IGF2BP3: variants seen among roughly 807,000 people sequenced by gnomAD.
The protein encoded by IGF2BP3 is insulin like growth factor 2 mRNA binding protein 3, also known as insulin-like growth factor 2 mRNA-binding protein 3.
In IGF2BP3, 9 loss-of-function variants were observed where a neutral mutation model predicts 73.8. The ratio of observed to expected loss-of-function variants is 0.12; its 90% CI spans 0.07 to 0.21. The LOEUF is 0.21. Ranked by LOEUF, IGF2BP3 falls within the 10% of genes least tolerant of loss-of-function variation. The pLI is 1.00. For synonymous variants in IGF2BP3, 258 were observed against 256.7 expected (o/e 1.01, Z -0.05); for missense variants, 542 against 714.0 (o/e 0.76, Z 2.75).
chr7:23,351,340 G>A lies in IGF2BP3; in HGVS notation c.648C>T (p.Ala216=), dbSNP rs769684421. 1.9e-6 allele frequency: 3 copies of A among 1,613,808 alleles called. No homozygotes were observed. The South Asian group carries it at 3.3e-5, about 18-fold the overall frequency. Residue 216 remains alanine, a synonymous_variant, in exon 6 of 15, where the codon GCC becomes GCT. Coordinates refer to ENST00000258729, the MANE Select transcript of IGF2BP3 (RefSeq NM_006547.3). ...TCTGTTTGGTGATGTTCCGAATGGT[G>A]GCACCTTCTTTTCCTATGATGGCTC... ...FVGAIIGKEG[A]TIRNITKQTQ...
chr7:23,435,292 C>CAAAAAAAA (rs35846648), intron 2 of IGF2BP3, among the ~76,000 whole-genome samples: 1 of 47,942 alleles, frequency 2.1e-5, no homozygotes, highest in Non-Finnish European at 3.6e-5. Context: ...GACTCTGTCT[C>CAAAAAAAA]AAAAAAAAAA....
intron 3 of IGF2BP3, among the ~76,000 whole-genome samples, chr7:23,403,445 T>C (rs1048685952): frequency 7.2e-5 from 11 of 152,226 alleles, no homozygotes; most frequent in African/African-American, 2.7e-4. Context: ...ATTATAGATA[T>C]ATATAAGTGG....
intron 3 of IGF2BP3, among the ~76,000 whole-genome samples, chr7:23,407,347 G>A (rs890768864): frequency 2.0e-5 from 3 of 151,506 alleles, no homozygotes; most frequent in African/African-American, 7.3e-5. Flanking sequence ...GGTGGTTCAT[G>A]CCTGTAATCC....
At chr7:23,349,218 T>C (rs1466737970) in intron 6 of IGF2BP3, among the ~76,000 whole-genome samples, 1 of 152,208 alleles carries the variant, frequency 6.6e-6, no homozygotes, top group Non-Finnish European at 1.5e-5. Flanking sequence ...CCTTTGGCCA[T>C]TCAAACACTT....
intron 2 of IGF2BP3, among the ~76,000 whole-genome samples, chr7:23,430,257 G>A (rs1787636250): frequency 6.6e-6 from 1 of 152,064 alleles, no homozygotes; most frequent in Non-Finnish European, 1.5e-5. Context: ...TTAATTTTTT[G>A]TATTTTTAGT....
intron 10 of IGF2BP3, among the ~76,000 whole-genome samples, chr7:23,321,119 G>A (rs1039367991): frequency 7.2e-5 from 11 of 152,200 alleles, no homozygotes; most frequent in South Asian, 2.1e-4. Context: ...CAGCGTGAGC[G>A]ATGCAGAAGA....
At chr7:23,329,386 A>G (rs956171722) in intron 10 of IGF2BP3, among the ~76,000 whole-genome samples, 19 of 152,194 alleles carry the variant, frequency 1.2e-4, no homozygotes, top group African/African-American at 4.3e-4. Context: ...GTGTGTGTGC[A>G]TAGTTTCCAA....
rs541582847 is a variant in IGF2BP3 at position 23,433,841 on chromosome 7, G to A, written c.237-15017C>T. Among the ~76,000 whole-genome samples the A allele has an allele frequency of 6.6e-5, 10 of 152,262 alleles. No individual in the cohort carries two copies. In the South Asian group the frequency reaches 1.2e-3, roughly 19 times the overall value. ...TATAAACCCAGCACTTTGGGAGGCC[G>A]AGGCGGGAGGATCATCTGAGATCAA... On this transcript the variant is annotated intron_variant, in intron 2 of 14. Transcript: ENST00000258729.
chr7:23,344,150 A>C (rs1784777823), intron 8 of IGF2BP3, among the ~76,000 whole-genome samples: 1 of 152,250 alleles, frequency 6.6e-6, no homozygotes, highest in South Asian at 2.1e-4. Flanking sequence ...CTTAAAGTTG[A>C]ACCATTTTCA....
intron 1 of IGF2BP3, 42 bp from the exon 2 acceptor site, chr7:23,468,584 G>A: frequency 6.3e-7 from 1 of 1,597,536 alleles, no homozygotes; most frequent in Non-Finnish European, 8.6e-7. Context: ...CGAGTTCAGC[G>A]GCTCTCCCTG....
At chr7:23,367,872 G>A (rs1229350733) in intron 3 of IGF2BP3, among the ~76,000 whole-genome samples, 4 of 152,036 alleles carry the variant, frequency 2.6e-5, no homozygotes, top group African/African-American at 4.8e-5. Context: ...ATGGTGGCAC[G>A]CACCTGTAGT....
At position 23,341,972 on chromosome 7, in the gene IGF2BP3, T is replaced by C. The variant is rs1360203509; in HGVS notation, c.1203+92A>G. 5.3e-6 allele frequency: 7 copies of C among 1,331,016 alleles called. No homozygotes were observed. In the East Asian group the frequency reaches 1.1e-4, roughly 21 times the overall value. The allele number at this position is 1,331,016 out of a possible 1,614,324, so 82.5% of individuals were successfully genotyped here. A position where few individuals can be genotyped will look rare whatever the true frequency, so the allele number is the denominator to read the frequency against. On this transcript the variant is annotated intron_variant, in intron 10 of 14. Coordinates refer to ENST00000258729, the MANE Select transcript of IGF2BP3 (RefSeq NM_006547.3). ...CTCCATTAGCAAGAACTGGAGAGCATATGTTGGCATCTAAACAGATGATCA... is the reference window on the plus strand; with the variant it reads ...CTCCATTAGCAAGAACTGGAGAGCACATGTTGGCATCTAAACAGATGATCA...
At chr7:23,376,391 C>T (rs1467863556) in intron 3 of IGF2BP3, among the ~76,000 whole-genome samples, 1 of 151,206 alleles carries the variant, frequency 6.6e-6, no homozygotes, top group Non-Finnish European at 1.5e-5. Context: ...AAAAATTAGC[C>T]GGGCATGGTG....
intron 3 of IGF2BP3, among the ~76,000 whole-genome samples, chr7:23,412,842 C>T (rs867777999): frequency 3.8e-4 from 14 of 37,012 alleles, no homozygotes; most frequent in Admixed American, 1.5e-3. Flanking sequence ...AGACTCTGGC[C>T]TTTTTTTTTT....
chr7:23,363,668 G>A (rs1365516825), intron 3 of IGF2BP3, among the ~76,000 whole-genome samples: 2 of 152,108 alleles, frequency 1.3e-5, no homozygotes, highest in African/African-American at 2.4e-5. Flanking sequence ...TTTGCATGAG[G>A]TATACACACA....
At chr7:23,327,742 A>G (rs1249521308) in intron 10 of IGF2BP3, among the ~76,000 whole-genome samples, 6 of 152,156 alleles carry the variant, frequency 3.9e-5, no homozygotes, top group African/African-American at 1.4e-4. Flanking sequence ...GTAGAAACCA[A>G]TTTGTGCCAT....
At chr7:23,323,969 G>A (rs1182625670) in intron 10 of IGF2BP3, among the ~76,000 whole-genome samples, 3 of 151,890 alleles carry the variant, frequency 2.0e-5, no homozygotes, top group Admixed American at 6.6e-5. Context: ...GAGAAAGCAG[G>A]AAAGATCCAA....
intron 3 of IGF2BP3, among the ~76,000 whole-genome samples, chr7:23,398,521 T>C (rs3885788): frequency 6.6e-6 from 1 of 152,238 alleles, no homozygotes; most frequent in African/African-American, 2.4e-5. Flanking sequence ...TAGTTTACAG[T>C]CCCACCAACA....
intron 3 of IGF2BP3, among the ~76,000 whole-genome samples, chr7:23,383,308 A>C (rs898951831): frequency 1.3e-5 from 2 of 152,226 alleles, no homozygotes; most frequent in Non-Finnish European, 2.9e-5. Flanking sequence ...ATCCATTAAC[A>C]GATTGGAAAA....
Sources: gnomAD v4.1 joint callset for allele counts (sites outside exome capture counted in the v4.1 genomes callset) on GRCh38, gnomAD v4.1.1 for gene constraint, MANE v1.5 for transcripts, NCBI Gene and HGNC (gene_info 2026-07-23, HGNC 2026-07-21) for gene names.